ADAMTS17: variants seen among roughly 807,000 people sequenced by gnomAD.
ADAMTS17 encodes ADAM metallopeptidase with thrombospondin type 1 motif 17, also known as A disintegrin and metalloproteinase with thrombospondin motifs 17.
ADAMTS17 carries 113 observed loss-of-function variants against 141.5 expected under a neutral mutation model. That is an observed-to-expected ratio of 0.80 (90% CI 0.69 to 0.93). The LOEUF is 0.93. ADAMTS17 is among the 40% of genes least tolerant of loss of function. ADAMTS17 has a pLI of 0.00. For missense variants in ADAMTS17, 1,659 were observed against 1,517.9 expected, an observed-to-expected ratio of 1.09 and a Z score of -1.54; for synonymous variants, 768 against 630.6, an observed-to-expected ratio of 1.22 and a Z score of -3.27.
intron 3 of ADAMTS17, among the ~76,000 whole-genome samples, chr15:100,312,432 C>T (rs976284378): frequency 1.6e-4 from 24 of 152,208 alleles, no homozygotes; most frequent in African/African-American, 5.8e-4. Context: ...GGCCTGCTGA[C>T]ACTTTGATTT....
intron 18 of ADAMTS17, among the ~76,000 whole-genome samples, chr15:100,034,061 T>G (rs987847682): frequency 2.0e-5 from 3 of 152,232 alleles, no homozygotes; most frequent in African/African-American, 7.2e-5. Context: ...TTGGCTGTGT[T>G]TACTTTTCTA....
chr15:100,079,404 G>T (rs73476415), intron 15 of ADAMTS17, among the ~76,000 whole-genome samples: 4,810 of 152,280 alleles, frequency 0.032, 271 homozygotes, highest in African/African-American at 0.11. Flanking sequence ...CAACATGCAT[G>T]ACTTGAAAAT....
At chr15:100,027,691 C>A (rs571430849) in intron 18 of ADAMTS17, among the ~76,000 whole-genome samples, 2 of 152,336 alleles carry the variant, frequency 1.3e-5, no homozygotes, top group South Asian at 4.1e-4. Flanking sequence ...TTTGCTGATT[C>A]CTGCTCCGGT....
At chr15:100,291,181 GC>G (rs777685691) in intron 3 of ADAMTS17, among the ~76,000 whole-genome samples, 6 of 152,132 alleles carry the variant, frequency 3.9e-5, no homozygotes, top group Non-Finnish European at 8.8e-5. Flanking sequence ...TAAAAAGTGG[GC>G]AAAGGACAGG....
At chr15:100,180,463 G>C (rs2045878295) in intron 8 of ADAMTS17, among the ~76,000 whole-genome samples, 1 of 152,110 alleles carries the variant, frequency 6.6e-6, no homozygotes, top group South Asian at 2.1e-4. Context: ...GATTCCTCCA[G>C]TTTCGTTCTT....
intron 8 of ADAMTS17, among the ~76,000 whole-genome samples, chr15:100,196,002 C>T (rs529550843): frequency 1.3e-5 from 2 of 152,258 alleles, no homozygotes; most frequent in East Asian, 1.9e-4. Context: ...GACTCAATGG[C>T]GTGATAAACA....
intron 15 of ADAMTS17, among the ~76,000 whole-genome samples, chr15:100,077,908 G>A (rs1325196235): frequency 2.6e-5 from 4 of 152,138 alleles, no homozygotes; most frequent in African/African-American, 9.7e-5. Flanking sequence ...CAGTAAGATT[G>A]CAGGATACAA....
chr15:100,317,434 C>G (rs1378991007), intron 3 of ADAMTS17, among the ~76,000 whole-genome samples: 2 of 152,272 alleles, frequency 1.3e-5, no homozygotes, highest in East Asian at 3.9e-4. Flanking sequence ...GAAATGAGGA[C>G]CCAGGTTCCC....
At chr15:100,045,751 T>C (rs2031633419) in intron 18 of ADAMTS17, among the ~76,000 whole-genome samples, 1 of 152,200 alleles carries the variant, frequency 6.6e-6, no homozygotes, top group Non-Finnish European at 1.5e-5. Flanking sequence ...TATCAGAGTT[T>C]TAGCTAGTCT....
chr15:100,229,204 C>A (rs2042401255), intron 7 of ADAMTS17, among the ~76,000 whole-genome samples: 1 of 152,162 alleles, frequency 6.6e-6, no homozygotes, highest in Non-Finnish European at 1.5e-5. Context: ...AAGTCCTGCA[C>A]AACCCAACAG....
intron 18 of ADAMTS17, among the ~76,000 whole-genome samples, chr15:100,043,647 G>T (rs753399734): frequency 1.3e-5 from 2 of 152,184 alleles, no homozygotes; most frequent in Non-Finnish European, 2.9e-5. Flanking sequence ...AATTTTACAT[G>T]TTTTAAAGGA....
chr15:100,311,851 T>C (rs1016709284), intron 3 of ADAMTS17, among the ~76,000 whole-genome samples: 4 of 152,154 alleles, frequency 2.6e-5, no homozygotes, highest in African/African-American at 7.2e-5. Flanking sequence ...ATACTTAATA[T>C]TGACTGTGAT....
chr15:100,051,858 T>C, intron 16 of ADAMTS17, 127 bp from the exon 17 acceptor site: 1 of 1,206,014 alleles, frequency 8.3e-7, no homozygotes, highest in South Asian at 1.2e-5. Context: ...TTTCTGGGGC[T>C]GAAAACAGGT....
At chr15:100,246,007 G>T (rs1246180408) in intron 7 of ADAMTS17, among the ~76,000 whole-genome samples, 1 of 152,078 alleles carries the variant, frequency 6.6e-6, no homozygotes, top group Non-Finnish European at 1.5e-5. Context: ...AGCACACAGA[G>T]GTCAAGGCAG....
chr15:100,201,403 T>C (rs2041328153), intron 7 of ADAMTS17, among the ~76,000 whole-genome samples: 1 of 152,216 alleles, frequency 6.6e-6, no homozygotes, highest in African/African-American at 2.4e-5. Flanking sequence ...TGATTATAAG[T>C]TTCCTGAGGC....
chr15:100,145,868 T>C lies in ADAMTS17; in HGVS notation c.1473+6744A>G, dbSNP rs2038878759. Among the ~76,000 whole-genome samples, 3 of 152,262 alleles carry C rather than the reference T, an allele frequency of 2.0e-5. No individual in the cohort carries two copies. In the South Asian group the frequency reaches 6.2e-4, roughly 31 times the overall value. Reference sequence around the variant, plus strand: ...TTCTAATCTTTAACGCATCACATTCTGCCTTTATGTAAGATTATTCCAGGC... The same window carrying C: ...TTCTAATCTTTAACGCATCACATTCCGCCTTTATGTAAGATTATTCCAGGC... On this transcript the variant is annotated intron_variant, in intron 10 of 21. Transcript: ENST00000268070.
chr15:100,235,376 C>G (rs1054108258), intron 7 of ADAMTS17, among the ~76,000 whole-genome samples: 1 of 152,060 alleles, frequency 6.6e-6, no homozygotes, highest in African/African-American at 2.4e-5. Flanking sequence ...CCCACACTGA[C>G]CTCCCCGACC....
intron 15 of ADAMTS17, among the ~76,000 whole-genome samples, chr15:100,094,581 C>G (rs2035651561): frequency 6.6e-6 from 1 of 152,196 alleles, no homozygotes; most frequent in Non-Finnish European, 1.5e-5. Flanking sequence ...GTTCTACATA[C>G]AGAGTTGCCC....
At chr15:99,979,818 T>C (rs909057871) in intron 20 of ADAMTS17, 8 of 152,230 alleles carry the variant, frequency 5.3e-5, no homozygotes, top group African/African-American at 1.4e-4. Flanking sequence ...TAAATTTGAA[T>C]GTTTATAATG....
Sources: allele counts gnomAD v4.1 joint callset (sites outside exome capture counted in the v4.1 genomes callset), GRCh38; gene constraint gnomAD v4.1.1; transcripts MANE v1.5; gene names NCBI Gene and HGNC (gene_info 2026-07-23, HGNC 2026-07-21).